Variants in GTPBP2 observed in about 807,000 individuals in gnomAD.
GTPBP2 encodes the protein GTP binding protein 2, also known as GTP-binding protein 2.
A neutral mutation model predicts 63.0 loss-of-function variants in GTPBP2; 32 were observed. That is an observed-to-expected ratio of 0.51 (90% confidence interval 0.38 to 0.68). GTPBP2 has a LOEUF of 0.68. Ranked by LOEUF, GTPBP2 falls within the 30% of genes least tolerant of loss-of-function variation. GTPBP2 has a pLI of 0.00. For missense variants in GTPBP2, 492 were observed against 796.9 expected, an observed-to-expected ratio of 0.62 and a Z score of 4.61; for synonymous variants, 310 against 322.6, an observed-to-expected ratio of 0.96 and a Z score of 0.42.
At position 43,625,606 on chromosome 6, in the gene GTPBP2, C is replaced by G; in HGVS notation, c.508-46G>C. ...ATAAGAACTCCAATCTCTCACCCCT[C>G]TAACTGAAGACTGGGTCAAGGGCAG... On this transcript the variant is annotated intron_variant, in intron 4 of 11. Transcript: ENST00000307126. The surrounding 1 kb of genome is among the most constrained non-coding windows in gnomAD (Gnocchi z 5.1). 6.6e-7 allele frequency: 1 copy of G among 1,521,806 alleles called. No homozygotes were observed. Among genetic ancestry groups the G allele is most frequent in the Non-Finnish European group, 9.1e-7 (1 of 1,096,406 alleles). 94.3% of individuals were successfully genotyped at this position (1,521,806 alleles called of 1,614,324 possible).
chr6:43,625,155 G>T lies in GTPBP2; in HGVS notation c.706-93C>A. The T allele has an allele frequency of 3.2e-6, 4 of 1,253,182 alleles. No individual in the cohort carries two copies. Among genetic ancestry groups the T allele is most frequent in the Non-Finnish European group, 4.5e-6 (4 of 885,062 alleles). 77.6% of individuals were successfully genotyped at this position (1,253,182 alleles called of 1,614,324 possible). A position where few individuals can be genotyped will look rare whatever the true frequency, so the allele number is the denominator to read the frequency against. ...CCTAAACCATTCCCTGGGTGACCCT[G>T]CCTCTTAATCTTGACCCCATTTTTT... On this transcript the variant is annotated intron_variant, in intron 5 of 11. Transcript: ENST00000307126. This position sits in a 1 kb window ranked among gnomAD's most constrained non-coding sequence, Gnocchi z 5.1.
At chr6:43,630,908 C>CAAAAAA (rs753239311), upstream of GTPBP2, among the ~76,000 whole-genome samples, 10 of 53,572 alleles carry the variant, frequency 1.9e-4, no homozygotes, top group African/African-American at 4.8e-4. Context: ...GACTTCGTCT[C>CAAAAAA]AAAAAAAAAA....
Position 43,626,002 on chromosome 6 carries a change from T to C in GTPBP2, c.399-138A>G. 1.3e-6 allele frequency: 1 copy of C among 741,856 alleles called. No individual in the cohort carries two copies. Among genetic ancestry groups the C allele is most frequent in the Non-Finnish European group, 2.3e-6 (1 of 426,430 alleles). 46.0% of individuals were successfully genotyped at this position (741,856 alleles called of 1,614,324 possible). A position where few individuals can be genotyped will look rare whatever the true frequency, so the allele number is the denominator to read the frequency against. ...CACTTCCTACCACCCTCCAATCTATTCCTCATTCACAGTTCCCTTTAAAAC... is the reference window on the plus strand; with the variant it reads ...CACTTCCTACCACCCTCCAATCTATCCCTCATTCACAGTTCCCTTTAAAAC... On this transcript the variant is annotated intron_variant, in intron 3 of 11. Transcript: ENST00000307126. This position sits in a 1 kb window ranked among gnomAD's most constrained non-coding sequence, Gnocchi z 4.0.
Position 43,625,219 on chromosome 6 carries a change from G to T in GTPBP2, c.705+144C>A. The T allele has an allele frequency of 9.8e-7, 1 of 1,015,766 alleles. No individual in the cohort carries two copies. Among genetic ancestry groups the T allele is most frequent in the Non-Finnish European group, 1.5e-6 (1 of 668,472 alleles). 62.9% of individuals were successfully genotyped at this position (1,015,766 alleles called of 1,614,324 possible). ...GATTCCCCATTGATTTCCTAAGAGG[G>T]GCAGAGCTTGTTCACAGTCCCCTCA... On this transcript the variant is annotated intron_variant, in intron 5 of 11. Coordinates refer to ENST00000307126, the MANE Select transcript of GTPBP2 (RefSeq NM_019096.5). The surrounding 1 kb of genome is among the most constrained non-coding windows in gnomAD (Gnocchi z 5.1).
Position 43,624,997 on chromosome 6 carries a change from G to A in GTPBP2, c.771C>T (p.Thr257=), listed in dbSNP as rs1176582981. The A allele has an allele frequency of 1.2e-6, 2 of 1,614,050 alleles. No individual in the cohort carries two copies. Among genetic ancestry groups the A allele is most frequent in the South Asian group, 1.1e-5 (1 of 91,080 alleles). The part of the protein sequence containing the change: ...EICESSSKMI[T]FIDLAGHHKY... ...TATGGTGGCCTGCCAGGTCGATGAA[G>A]GTGATCATCTTGGAGCTGCTCTCAC... The change falls in exon 6 of 12, where the codon ACC becomes ACT. Residue 257 remains threonine (T), a synonymous_variant. Coordinates refer to ENST00000307126, the MANE Select transcript of GTPBP2 (RefSeq NM_019096.5). The surrounding 1 kb of genome is among the most constrained non-coding windows in gnomAD (Gnocchi z 5.1).
At position 43,625,034 on chromosome 6, in the gene GTPBP2, G is replaced by T; in HGVS notation, c.734C>A (p.Ala245Glu). 1 of 1,613,898 alleles carries T rather than the reference G, an allele frequency of 6.2e-7. No individual in the cohort carries two copies. The highest frequency in any genetic ancestry group is 8.5e-7 in the Non-Finnish European group (1 of 1,180,016). ...EVVNYSDSRT[A>E]EEICESSSKM... ...GGAGCTGCTCTCACAGATCTCTTCT[G>T]CTGTCCGTGAGTCGCTGTAATTCAC... Residue 245 changes from alanine to glutamate, a missense_variant, in exon 6 of 12, where the codon GCA becomes GAA. Ala to Glu is a moderately radical substitution (Grantham distance 107, BLOSUM62 -1). Transcript: ENST00000307126. This position sits in a 1 kb window ranked among gnomAD's most constrained non-coding sequence, Gnocchi z 5.1.
Position 43,625,692 on chromosome 6 carries a change from A to G in GTPBP2, c.507+64T>C. 6.9e-7 allele frequency: 1 copy of G among 1,447,668 alleles called. No homozygotes were observed. The highest frequency in any genetic ancestry group is 9.7e-7 in the Non-Finnish European group (1 of 1,028,220). The allele number at this position is 1,447,668 out of a possible 1,614,324, so 89.7% of individuals were successfully genotyped here. A position where few individuals can be genotyped will look rare whatever the true frequency, so the allele number is the denominator to read the frequency against. On this transcript the variant is annotated intron_variant, in intron 4 of 11. Coordinates refer to ENST00000307126, the MANE Select transcript of GTPBP2 (RefSeq NM_019096.5). The surrounding 1 kb of genome is among the most constrained non-coding windows in gnomAD (Gnocchi z 5.1). ...CCCCCAGGATCCCAGGCCAGGAGAC[A>G]GCCTGCCACCACAGGGCCCTTCCAC...
In GTPBP2 at chr6:43,625,225, G is replaced by T; in HGVS notation, c.705+138C>A. On this transcript the variant is annotated intron_variant, in intron 5 of 11. Transcript: ENST00000307126. This position sits in a 1 kb window ranked among gnomAD's most constrained non-coding sequence, Gnocchi z 5.1. ...CCATTGATTTCCTAAGAGGGGCAGA[G>T]CTTGTTCACAGTCCCCTCAGGGCAT... The T allele has an allele frequency of 9.9e-7, 1 of 1,014,998 alleles. No individual in the cohort carries two copies. Among genetic ancestry groups the T allele is most frequent in the Non-Finnish European group, 1.5e-6 (1 of 665,868 alleles). The allele number at this position is 1,014,998 out of a possible 1,614,324, so 62.9% of individuals were successfully genotyped here. A position where few individuals can be genotyped will look rare whatever the true frequency, so the allele number is the denominator to read the frequency against.
chr6:43,629,575 C>G (rs1769764965), upstream of GTPBP2: 1 of 703,346 alleles, frequency 1.4e-6, no homozygotes, highest in Non-Finnish European at 2.5e-6. Context: ...GGGGTGGGGA[C>G]GCGAGGACAC....
Position 43,622,452 on chromosome 6 carries a change from G to A in GTPBP2, c.1467+181C>T, listed in dbSNP as rs888971885. Reference sequence around the variant, plus strand: ...CATAGTGATTCATATTTAGTTATCTGTACCTCATGAGTACGTTAAGCTGTT... The same window carrying A: ...CATAGTGATTCATATTTAGTTATCTATACCTCATGAGTACGTTAAGCTGTT... On this transcript the variant is annotated intron_variant, in intron 10 of 11. Transcript: ENST00000307126. The surrounding 1 kb of genome is among the most constrained non-coding windows in gnomAD (Gnocchi z 5.4). Among the ~76,000 whole-genome samples, 2 of 152,130 alleles carry A rather than the reference G, an allele frequency of 1.3e-5. No homozygotes were observed. Among genetic ancestry groups the A allele is most frequent in the Admixed American group, 6.5e-5 (1 of 15,272 alleles).
chr6:43,621,672 T>C lies in GTPBP2; in HGVS notation c.1751A>G (p.His584Arg). The C allele has an allele frequency of 1.2e-6, 2 of 1,614,218 alleles. No homozygotes were observed. Among genetic ancestry groups the C allele is most frequent in the East Asian group, 2.2e-5 (1 of 44,882 alleles). Residue 584 changes from histidine (H) to arginine (R), a missense_variant, in exon 12 of 12, where the codon CAT (histidine) becomes CGT (arginine). Around this residue, in one of 2 missense-constraint regions of GTPBP2, gnomAD observed 400 missense variants for 710.8 expected, o/e 0.56. Coordinates refer to ENST00000307126, the MANE Select transcript of GTPBP2 (RefSeq NM_019096.5). ...TGTAATGGCTTGTACATCAGTGACA[T>C]GGCCGATGCCCTTGGTGACACCCTC... ...FREGVTKGIG[H>R]VTDVQAITAG...
chr6:43,625,621 G>T lies in GTPBP2; in HGVS notation c.508-61C>A. The T allele has an allele frequency of 1.4e-6, 2 of 1,471,424 alleles. No individual in the cohort carries two copies. Among genetic ancestry groups the T allele is most frequent in the Non-Finnish European group, 1.9e-6 (2 of 1,050,932 alleles). 91.1% of individuals were successfully genotyped at this position (1,471,424 alleles called of 1,614,324 possible). A position where few individuals can be genotyped will look rare whatever the true frequency, so the allele number is the denominator to read the frequency against. ...TCTCACCCCTCTAACTGAAGACTGG[G>T]TCAAGGGCAGTGACGCTCCCTAGGG... On this transcript the variant is annotated intron_variant, in intron 4 of 11. Transcript: ENST00000307126. The surrounding 1 kb of genome is among the most constrained non-coding windows in gnomAD (Gnocchi z 5.1).
Position 43,624,431 on chromosome 6 carries a change from T to G in GTPBP2, c.1100+79A>C. The G allele has an allele frequency of 9.5e-7, 1 of 1,047,654 alleles. No homozygotes were observed. The highest frequency in any genetic ancestry group is 1.5e-6 in the Non-Finnish European group (1 of 686,576). 64.9% of individuals were successfully genotyped at this position (1,047,654 alleles called of 1,614,324 possible). A position where few individuals can be genotyped will look rare whatever the true frequency, so the allele number is the denominator to read the frequency against. ...CAGAACTGGTCTGGCCCTGGAGAAG[T>G]AGGATATCATGCTTCTGGGCCCTGG... On this transcript the variant is annotated intron_variant, in intron 7 of 11. Transcript: ENST00000307126. The surrounding 1 kb of genome is among the most constrained non-coding windows in gnomAD (Gnocchi z 5.1).
In GTPBP2 at chr6:43,626,086, A is replaced by C. The variant is rs1401051758; in HGVS notation, c.398+140T>G. 3 of 853,404 alleles carry C rather than the reference A, an allele frequency of 3.5e-6. No homozygotes were observed. Among genetic ancestry groups the C allele is most frequent in the East Asian group, 4.9e-5 (2 of 40,872 alleles). 52.9% of individuals were successfully genotyped at this position (853,404 alleles called of 1,614,324 possible). On this transcript the variant is annotated intron_variant, in intron 3 of 11. Transcript: ENST00000307126. This position sits in a 1 kb window ranked among gnomAD's most constrained non-coding sequence, Gnocchi z 4.0. The stretch of plus-strand genomic sequence containing the variant: ...GCCTAGGTCCAGTGAGGAGGGGACC[A>C]AAACACTAACCCTCCCCACTTCAGC...
At chr6:43,630,908 C>CAAAAAAAAAAAAAAA (rs753239311), upstream of GTPBP2, among the ~76,000 whole-genome samples, 1 of 53,620 alleles carries the variant, frequency 1.9e-5, no homozygotes, top group Non-Finnish European at 3.8e-5. Context: ...GACTTCGTCT[C>CAAAAAAAAAAAAAAA]AAAAAAAAAA....
rs768909490 is a variant in GTPBP2, at chr6:43,624,853, C to T, written c.880+35G>A. The T allele has an allele frequency of 6.2e-7, 1 of 1,605,204 alleles. No individual in the cohort carries two copies. Among genetic ancestry groups the T allele is most frequent in the Admixed American group, 1.7e-5 (1 of 59,974 alleles). ...GCCCAGGGTAGGAGAGTCAGCACCC[C>T]CCTTCAGCCCTGTCCCTGCCCTAAT... On this transcript the variant is annotated intron_variant, in intron 6 of 11. Transcript: ENST00000307126. The surrounding 1 kb of genome is among the most constrained non-coding windows in gnomAD (Gnocchi z 5.1).
rs761254215 is a variant in GTPBP2, at chr6:43,629,106, C to T, written c.57G>A (p.Pro19=). The change falls in exon 1 of 12, where the codon CCG becomes CCA. Residue 19 remains proline, a synonymous_variant. Transcript: ENST00000307126. ...TAGCCTTGAGGGTTCCGCCCACGGCCGGGCCCCCTCCGGGCCGGCAGCAGC... is the reference window on the plus strand; with the variant it reads ...TAGCCTTGAGGGTTCCGCCCACGGCTGGGCCCCCTCCGGGCCGGCAGCAGC... ...FGGCCRPGGG[P]AVGGTLKARG... is the part of the protein sequence containing the mutation. The T allele has an allele frequency of 2.6e-6, 4 of 1,552,498 alleles. No individual in the cohort carries two copies. The highest frequency in any genetic ancestry group is 2.0e-4 in the Middle Eastern group (1 of 5,124).
chr6:43,625,095 T>C lies in GTPBP2; in HGVS notation c.706-33A>G, dbSNP rs764807803. ...AGGGCCCAGGGCCCTCAGTGCCTCC[T>C]GCCAGCCCTTCCAACCCCTTCAGAG... is the stretch of plus-strand genomic sequence containing the variant. On this transcript the variant is annotated intron_variant, in intron 5 of 11. Coordinates refer to ENST00000307126, the MANE Select transcript of GTPBP2 (RefSeq NM_019096.5). This position sits in a 1 kb window ranked among gnomAD's most constrained non-coding sequence, Gnocchi z 5.1. The C allele has an allele frequency of 1.2e-6, 2 of 1,604,844 alleles. No individual in the cohort carries two copies. Among genetic ancestry groups the C allele is most frequent in the Non-Finnish European group, 1.7e-6 (2 of 1,174,240 alleles).
At chr6:43,629,952 C>T (rs1031813063), upstream of GTPBP2, among the ~76,000 whole-genome samples, 2 of 152,384 alleles carry the variant, frequency 1.3e-5, no homozygotes, top group Non-Finnish European at 2.9e-5. Context: ...GACCCGAACC[C>T]GTAAACCAGC....
Sources: allele counts gnomAD v4.1 joint callset (sites outside exome capture counted in the v4.1 genomes callset), GRCh38; gene constraint gnomAD v4.1.1; regional missense constraint gnomAD v4.1.1; non-coding constraint Gnocchi (gnomAD v3.1); transcripts MANE v1.5; gene names NCBI Gene and HGNC (gene_info 2026-07-23, HGNC 2026-07-21).